Variants in ZNF438 observed in about 807,000 individuals in gnomAD.
The protein encoded by ZNF438 is zinc finger protein 438.
A neutral mutation model predicts 38.0 loss-of-function variants in ZNF438; 25 were observed. The observed-to-expected ratio is 0.66, with a 90% CI of 0.48 to 0.92. The LOEUF is 0.92. ZNF438 is among the 40% of genes least tolerant of loss of function. The pLI is 0.00. For synonymous variants in ZNF438, 372 were observed against 364.1 expected (o/e 1.02, Z -0.25); for missense variants, 1,007 against 999.6 (o/e 1.01, Z -0.10).
chr10:30,918,828 A>C (rs538095053), intron 2 of ZNF438, among the ~76,000 whole-genome samples: 1 of 152,332 alleles, frequency 6.6e-6, no homozygotes, highest in South Asian at 2.1e-4. Flanking sequence ...GAAAGGTGTC[A>C]GACATACCAT....
chr10:30,981,151 C>T (rs911612632), intron 1 of ZNF438, among the ~76,000 whole-genome samples: 11 of 152,254 alleles, frequency 7.2e-5, no homozygotes, highest in Admixed American at 2.0e-4. Flanking sequence ...ATATGATCAA[C>T]GAAGCACACA....
chr10:30,982,389 C>T (rs2136469131), intron 1 of ZNF438, among the ~76,000 whole-genome samples: 1 of 152,304 alleles, frequency 6.6e-6, no homozygotes, highest in South Asian at 2.1e-4. Flanking sequence ...GCATCAGCCA[C>T]CGCGCCCGGC....
At chr10:30,931,234 T>C (rs926510919) in intron 2 of ZNF438, among the ~76,000 whole-genome samples, 19 of 152,226 alleles carry the variant, frequency 1.2e-4, no homozygotes, top group African/African-American at 4.1e-4. Flanking sequence ...TTACTGACCA[T>C]GCCTGTCTGA....
chr10:30,995,358 C>A (rs1175292037), intron 1 of ZNF438, among the ~76,000 whole-genome samples: 1 of 152,108 alleles, frequency 6.6e-6, no homozygotes, highest in Non-Finnish European at 1.5e-5. Context: ...ATTAAATATT[C>A]AAAGTACTAA....
intron 2 of ZNF438, among the ~76,000 whole-genome samples, chr10:30,921,701 T>C (rs2044315165): frequency 1.3e-5 from 2 of 151,908 alleles, no homozygotes; most frequent in South Asian, 4.2e-4. Context: ...ATGATGGATC[T>C]ACTTGGCCTG....
chr10:30,977,688 A>G (rs1424344777), intron 1 of ZNF438, among the ~76,000 whole-genome samples: 1 of 152,180 alleles, frequency 6.6e-6, no homozygotes, highest in Non-Finnish European at 1.5e-5. Context: ...TTCCTAAAGG[A>G]AGAAATAGAT....
intron 4 of ZNF438, 48 bp from the exon 6 acceptor site, chr10:30,850,415 T>C: frequency 6.5e-7 from 1 of 1,549,634 alleles, no homozygotes; most frequent in Non-Finnish European, 8.7e-7. Context: ...AACTGTTCTG[T>C]TAGTGATACT....
chr10:30,949,350 CA>C lies in ZNF438; in HGVS notation c.-191-7700del, dbSNP rs575503412. Among the ~76,000 whole-genome samples the C allele has an allele frequency of 4.6e-5, 7 of 152,206 alleles. No individual in the cohort carries two copies. The South Asian group carries it at 1.0e-3, about 23-fold the overall frequency. ...CGAAGAAACTGCATCAACTAACGAG[CA>C]AAATAACCAGCTAACATCATCATGA... On this transcript the variant is annotated intron_variant, in intron 1 of 5. Transcript: ENST00000413025.
At chr10:31,001,563 TAAAG>T (rs1211973057) in intron 1 of ZNF438, among the ~76,000 whole-genome samples, 2 of 152,184 alleles carry the variant, frequency 1.3e-5, no homozygotes, top group African/African-American at 4.8e-5. Context: ...AAGATTGTAA[TAAAG>T]AAATAAAAGT....
intron 1 of ZNF438, among the ~76,000 whole-genome samples, chr10:30,987,110 A>G (rs2052899525): frequency 6.6e-6 from 1 of 152,146 alleles, no homozygotes; most frequent in African/African-American, 2.4e-5. Context: ...AAGATGTGAC[A>G]TTCTACCAAT....
chr10:30,848,640 CTTCT>C lies in ZNF438; in HGVS notation c.1761_1764del (p.Glu588CysfsTer5). ...TCAGTGCTGATCACAACCCTATGCA[CTTCT>C]TTCAGATGGCCAAAATAGACTCGGA... is the stretch of plus-strand genomic sequence containing the variant. On this transcript the variant is annotated frameshift_variant, in exon 5 of 6. Transcript: ENST00000413025. LOFTEE classifies it high-confidence loss of function. The C allele has an allele frequency of 1.9e-6, 3 of 1,614,104 alleles. No individual in the cohort carries two copies. The highest frequency in any genetic ancestry group is 2.5e-6 in the Non-Finnish European group (3 of 1,180,044).
intron 1 of ZNF438, among the ~76,000 whole-genome samples, chr10:30,977,377 G>A (rs930932044): frequency 3.3e-4 from 50 of 152,202 alleles, no homozygotes; most frequent in African/African-American, 1.2e-3. Flanking sequence ...AAAATATGGG[G>A]TGACAGGGGA....
chr10:30,928,369 T>A (rs528195552), intron 2 of ZNF438, among the ~76,000 whole-genome samples: 1 of 152,270 alleles, frequency 6.6e-6, no homozygotes, highest in Non-Finnish European at 1.5e-5. Flanking sequence ...CCTCTAACTT[T>A]CAGAAGAAAA....
chr10:30,974,919 A>G (rs1189181744), intron 1 of ZNF438, among the ~76,000 whole-genome samples: 1 of 152,174 alleles, frequency 6.6e-6, no homozygotes, highest in African/African-American at 2.4e-5. Context: ...TCCTCAGCCC[A>G]TGTGCTTTCC....
intron 3 of ZNF438, among the ~76,000 whole-genome samples, chr10:30,882,527 T>C (rs1454505195): frequency 1.3e-5 from 2 of 152,212 alleles, no homozygotes; most frequent in East Asian, 3.8e-4. Flanking sequence ...AAAGGAACTG[T>C]TGACCTACAT....
intron 1 of ZNF438, among the ~76,000 whole-genome samples, chr10:30,956,458 GTTA>G (rs2048873799): frequency 6.6e-6 from 1 of 152,124 alleles, no homozygotes; most frequent in African/African-American, 2.4e-5. Flanking sequence ...TTTGAAATAT[GTTA>G]TTATTAACTA....
chr10:30,954,772 T>C (rs1193640826), intron 1 of ZNF438, among the ~76,000 whole-genome samples: 1 of 152,144 alleles, frequency 6.6e-6, no homozygotes, highest in Non-Finnish European at 1.5e-5. Flanking sequence ...TTAAAAAACA[T>C]TATATCAGCT....
chr10:31,007,215 T>C (rs185715455), intron 1 of ZNF438, among the ~76,000 whole-genome samples: 1 of 151,810 alleles, frequency 6.6e-6, no homozygotes, highest in Non-Finnish European at 1.5e-5. Flanking sequence ...TTTGGGCTCC[T>C]GACTTCCAGA....
At chr10:31,001,600 A>G (rs2054665353) in intron 1 of ZNF438, among the ~76,000 whole-genome samples, 1 of 152,230 alleles carries the variant, frequency 6.6e-6, no homozygotes, top group Non-Finnish European at 1.5e-5. Context: ...ACTTTAAAAT[A>G]TTTAAAAATT....
Sources: gnomAD v4.1 joint callset for allele counts (sites outside exome capture counted in the v4.1 genomes callset) on GRCh38, gnomAD v4.1.1 for gene constraint, MANE v1.5 for transcripts, NCBI Gene and HGNC (gene_info 2026-07-23, HGNC 2026-07-21) for gene names.